The following C1orf74 variants were observed in gnomAD, a reference collection of about 807,000 sequenced individuals.
The protein encoded by C1orf74 is UPF0739 protein C1orf74.
C1orf74 carries 5 observed loss-of-function variants against 7.3 expected under a neutral mutation model. The ratio of observed to expected loss-of-function variants is 0.68; its 90% CI spans 0.36 to 1.44. The LOEUF (loss-of-function observed/expected upper bound fraction) is 1.44, where lower values mean the gene tolerates loss of function less well. Among genes scored for constraint, C1orf74 ranks in the 40% most tolerant of loss-of-function variants. The pLI is 0.04. For missense variants in C1orf74, 291 were observed against 314.3 expected (o/e 0.93, Z 0.56); for synonymous variants, 121 against 132.5 (o/e 0.91, Z 0.59).
Position 209,780,446 on chromosome 1 carries a change from C to A in C1orf74, c.*2379G>T. On this transcript the variant is annotated 3_prime_UTR_variant, in exon 2 of 2. Coordinates refer to ENST00000294811, the MANE Select transcript of C1orf74 (RefSeq NM_152485.4). ...CTCAGAGGTGTGGGCCTCACTGTCA[C>A]CAAGAATCTGGCTGCTTTTTTAGAT... 6.5e-7 allele frequency: 1 copy of A among 1,535,792 alleles called. No homozygotes were observed. Among genetic ancestry groups the A allele is most frequent in the African/African-American group, 1.4e-5 (1 of 71,952 alleles).
In C1orf74 at chr1:209,782,147, G is replaced by A. The variant is rs569357008; in HGVS notation, c.*678C>T. The stretch of plus-strand genomic sequence containing the variant: ...GCCAATAAAGACAACCTGATGATCT[G>A]AATAATTTGTGACAACTGCCTTGGG... On this transcript the variant is annotated 3_prime_UTR_variant, in exon 2 of 2. Coordinates refer to ENST00000294811, the MANE Select transcript of C1orf74 (RefSeq NM_152485.4). 99 of 1,613,060 alleles carry A rather than the reference G, an allele frequency of 6.1e-5. 2 individuals carry two copies. In the South Asian group the frequency reaches 1.0e-3, roughly 17 times the overall value.
In C1orf74 at chr1:209,782,699, G is replaced by C. The variant is rs1357148773; in HGVS notation, c.*126C>G. ...ATGCCCTTTGCATTTGTGGCCAACT[G>C]ATCTACAGCATTGTGCCTTAGTGTA... On this transcript the variant is annotated 3_prime_UTR_variant, in exon 2 of 2. Transcript: ENST00000294811. 14 of 1,007,568 alleles carry C rather than the reference G, an allele frequency of 1.4e-5. No individual in the cohort carries two copies. The highest frequency in any genetic ancestry group is 3.3e-4 in the Middle Eastern group (1 of 3,060). 62.4% of individuals were successfully genotyped at this position (1,007,568 alleles called of 1,614,324 possible).
In C1orf74 at chr1:209,781,744, A is replaced by G. The variant is rs546202569; in HGVS notation, c.*1081T>C. The G allele has an allele frequency of 9.0e-5, 44 of 488,282 alleles. No homozygotes were observed. Among genetic ancestry groups the G allele is most frequent in the African/African-American group, 7.1e-4 (37 of 51,938 alleles). 30.2% of individuals were successfully genotyped at this position (488,282 alleles called of 1,614,324 possible). ...CGATGATAAGCATGGTGGCAAGAAC[A>G]GAAGGACACAAAAGTACTGGGGAAT... is the stretch of plus-strand genomic sequence containing the variant. On this transcript the variant is annotated 3_prime_UTR_variant, in exon 2 of 2. Transcript: ENST00000294811.
At position 209,780,227 on chromosome 1, in the gene C1orf74, G is replaced by C. The variant is rs933102432; in HGVS notation, c.*2598C>G. On this transcript the variant is annotated 3_prime_UTR_variant, in exon 2 of 2. Transcript: ENST00000294811. The stretch of plus-strand genomic sequence containing the variant: ...ACTAAAACTATCTAGCACTAGATAA[G>C]ACTGGGGATACAAAGAAAAGATCCC... 1.6e-5 allele frequency: 5 copies of C among 306,026 alleles called. No homozygotes were observed. The highest frequency in any genetic ancestry group is 1.1e-4 in the African/African-American group (5 of 46,466). The allele number at this position is 306,026 out of a possible 1,614,324, so 19.0% of individuals were successfully genotyped here.
chr1:209,781,596 G>A lies in C1orf74; in HGVS notation c.*1229C>T, dbSNP rs2077781817. The A allele has an allele frequency of 8.7e-6, 5 of 572,516 alleles. No individual in the cohort carries two copies. The African/African-American group carries it at 9.4e-5, about 11-fold the overall frequency. 35.5% of individuals were successfully genotyped at this position (572,516 alleles called of 1,614,324 possible). A position where few individuals can be genotyped will look rare whatever the true frequency, so the allele number is the denominator to read the frequency against. ...CACTGTGCTTGGTTTATACTATACT[G>A]ACATTATGGCAACCATTGAAAAAAA... On this transcript the variant is annotated 3_prime_UTR_variant, in exon 2 of 2. Coordinates refer to ENST00000294811, the MANE Select transcript of C1orf74 (RefSeq NM_152485.4).
rs2077731290 is a variant in C1orf74, at chr1:209,779,470, C to T, written c.*3355G>A. 1.9e-6 allele frequency: 2 copies of T among 1,063,308 alleles called. No individual in the cohort carries two copies. The highest frequency in any genetic ancestry group is 2.9e-6 in the Non-Finnish European group (2 of 687,000). 65.9% of individuals were successfully genotyped at this position (1,063,308 alleles called of 1,614,324 possible). ...ACTACATGACCTCCTGGAGTCCCAG[C>T]CAGTTCTGGGAGTCTGTTAAGTCCG... On this transcript the variant is annotated 3_prime_UTR_variant, in exon 2 of 2. Transcript: ENST00000294811.
chr1:209,782,989 T>C lies in C1orf74; in HGVS notation c.646A>G (p.Ile216Val), dbSNP rs773879156. 1.3e-4 allele frequency: 216 copies of C among 1,613,986 alleles called. No individual in the cohort carries two copies. Among genetic ancestry groups the C allele is most frequent in the Non-Finnish European group, 1.7e-4 (200 of 1,180,014 alleles). Reference sequence around the variant, plus strand: ...GGGACACTAAAAGAATAGAGCAGGATTGGGGGTTGACCTAGCAACCATGAG... The same window carrying C: ...GGGACACTAAAAGAATAGAGCAGGACTGGGGGTTGACCTAGCAACCATGAG... ...RISWLLGQPP[I>V]LLYSFSVPES... is the part of the protein sequence containing the mutation. Residue 216 changes from isoleucine to valine, a missense_variant, in exon 2 of 2, where the codon ATC becomes GTC. By Grantham distance (29) the Ile-to-Val change is conservative (BLOSUM62 3). Coordinates refer to ENST00000294811, the MANE Select transcript of C1orf74 (RefSeq NM_152485.4).
Position 209,780,382 on chromosome 1 carries a change from C to G in C1orf74, c.*2443G>C, listed in dbSNP as rs913976856. On this transcript the variant is annotated 3_prime_UTR_variant, in exon 2 of 2. Coordinates refer to ENST00000294811, the MANE Select transcript of C1orf74 (RefSeq NM_152485.4). ...AGCACGCCCTCCCAAGTTCCCTCCC[C>G]TCTCCCCACTCCTAGTGGTTTCACC... is the stretch of plus-strand genomic sequence containing the variant. 4.6e-5 allele frequency: 59 copies of G among 1,296,058 alleles called. No individual in the cohort carries two copies. The highest frequency in any genetic ancestry group is 5.9e-5 in the Non-Finnish European group (58 of 991,424). The allele number at this position is 1,296,058 out of a possible 1,614,324, so 80.3% of individuals were successfully genotyped here.
Position 209,783,738 on chromosome 1 carries a change from T to C in C1orf74, c.-75-29A>G, listed in dbSNP as rs952220522. ...GAAACAAAGCAGGAGCAGGGAATTA[T>C]TAACAGCCTTCCTGTTAAATCGCGG... On this transcript the variant is annotated intron_variant, in intron 1 of 1. Transcript: ENST00000294811. 3 of 937,588 alleles carry C rather than the reference T, an allele frequency of 3.2e-6. No homozygotes were observed. In the African/African-American group the frequency reaches 5.0e-5, roughly 16 times the overall value. The allele number at this position is 937,588 out of a possible 1,614,324, so 58.1% of individuals were successfully genotyped here.
rs374009294 is a variant in C1orf74, at chr1:209,780,648, T to C, written c.*2177A>G. 436 of 1,468,706 alleles carry C rather than the reference T, an allele frequency of 3.0e-4. No homozygotes were observed. The African/African-American group carries it at 5.4e-3, about 18-fold the overall frequency. The allele number at this position is 1,468,706 out of a possible 1,614,324, so 91.0% of individuals were successfully genotyped here. On this transcript the variant is annotated 3_prime_UTR_variant, in exon 2 of 2. Coordinates refer to ENST00000294811, the MANE Select transcript of C1orf74 (RefSeq NM_152485.4). ...AGATAGTGAGGGCTCATTTGCGAAA[T>C]AGCAGAGAAACCTGGGAGGCAGTCA...
In C1orf74 at chr1:209,779,265, T is replaced by G; in HGVS notation, c.*3560A>C. 3 of 1,545,992 alleles carry G rather than the reference T, an allele frequency of 1.9e-6. No individual in the cohort carries two copies. The highest frequency in any genetic ancestry group is 2.7e-6 in the Non-Finnish European group (3 of 1,123,538). On this transcript the variant is annotated 3_prime_UTR_variant, in exon 2 of 2. Coordinates refer to ENST00000294811, the MANE Select transcript of C1orf74 (RefSeq NM_152485.4). ...TAAGCAAAGTTCTGAAAAGAAAACT[T>G]TTTGTAGTAAATATGCTAGCATAGA...
At position 209,783,645 on chromosome 1, in the gene C1orf74, C is replaced by A. The variant is rs1213955724; in HGVS notation, c.-11G>T. The A allele has an allele frequency of 8.3e-6, 13 of 1,557,970 alleles. No homozygotes were observed. The highest frequency in any genetic ancestry group is 1.1e-5 in the Non-Finnish European group (13 of 1,152,362). On this transcript the variant is annotated 5_prime_UTR_variant, in exon 2 of 2. The change creates a new upstream start codon in the 5' untranslated region. Coordinates refer to ENST00000294811, the MANE Select transcript of C1orf74 (RefSeq NM_152485.4). The stretch of plus-strand genomic sequence containing the variant: ...ATCTAGAAGCAACATCAAGAATGGC[C>A]TCCTTAGCTAGCCCGAGTTCCCTTC...
rs1400828897 is a variant in C1orf74, at chr1:209,781,400, T to C, written c.*1425A>G. 8 of 1,613,650 alleles carry C rather than the reference T, an allele frequency of 5.0e-6. 1 individual carries two copies. Among genetic ancestry groups the C allele is most frequent in the South Asian group, 3.3e-5 (3 of 91,072 alleles). On this transcript the variant is annotated 3_prime_UTR_variant, in exon 2 of 2. Coordinates refer to ENST00000294811, the MANE Select transcript of C1orf74 (RefSeq NM_152485.4). ...CTCAGTGACGAGTATCTCTCCTGCC[T>C]GCGTAAGCTGCAGCACTGTCGAGAA...
chr1:209,783,611 T>A lies in C1orf74; in HGVS notation c.24A>T (p.Ser8=). 1 of 1,601,654 alleles carries A rather than the reference T, an allele frequency of 6.2e-7. No individual in the cohort carries two copies. The highest frequency in any genetic ancestry group is 8.5e-7 in the Non-Finnish European group (1 of 1,174,494). Residue 8 remains serine (S), a synonymous_variant, in exon 2 of 2, where the codon TCA becomes TCT. Coordinates refer to ENST00000294811, the MANE Select transcript of C1orf74 (RefSeq NM_152485.4). Reference sequence around the variant, plus strand: ...CCACCAGCAGCTGAGGGCTCGGTGATGACATGAGATCTAGAAGCAACATCA... The same window carrying A: ...CCACCAGCAGCTGAGGGCTCGGTGAAGACATGAGATCTAGAAGCAACATCA... The part of the protein sequence containing the change: MLLLDLM[S]SPSPQLLVAA...
Position 209,783,431 on chromosome 1 carries a change from G to A in C1orf74, c.204C>T (p.Ser68=), listed in dbSNP as rs914425800. The A allele has an allele frequency of 2.5e-6, 4 of 1,614,112 alleles. No individual in the cohort carries two copies. Among genetic ancestry groups the A allele is most frequent in the Non-Finnish European group, 3.4e-6 (4 of 1,179,996 alleles). ...CAAGCCCCTTCAGCTCCTCCAGATAGCTCTGGAGCTCTGATGCCCCTGCAC... is the reference window on the plus strand; with the variant it reads ...CAAGCCCCTTCAGCTCCTCCAGATAACTCTGGAGCTCTGATGCCCCTGCAC... ...CNCAGASELQ[S]YLEELKGLGF... Residue 68 remains serine, a synonymous_variant, in exon 2 of 2, where the codon AGC becomes AGT. Coordinates refer to ENST00000294811, the MANE Select transcript of C1orf74 (RefSeq NM_152485.4).
rs1261369204 is a variant in C1orf74 at position 209,781,884 on chromosome 1, A to C, written c.*941T>G. 1.2e-5 allele frequency: 7 copies of C among 597,098 alleles called. No homozygotes were observed. Among genetic ancestry groups the C allele is most frequent in the South Asian group, 4.0e-5 (2 of 50,122 alleles). 37.0% of individuals were successfully genotyped at this position (597,098 alleles called of 1,614,324 possible). On this transcript the variant is annotated 3_prime_UTR_variant, in exon 2 of 2. Coordinates refer to ENST00000294811, the MANE Select transcript of C1orf74 (RefSeq NM_152485.4). Reference sequence around the variant, plus strand: ...TCCCTGGGCCAGAGAACATTGGTTAAGTGGTTTTATCCCAAGACAGGTGAC... The same window carrying C: ...TCCCTGGGCCAGAGAACATTGGTTACGTGGTTTTATCCCAAGACAGGTGAC...
rs1571967202 is a variant in C1orf74 at position 209,779,767 on chromosome 1, G to A, written c.*3058C>T. On this transcript the variant is annotated 3_prime_UTR_variant, in exon 2 of 2. Transcript: ENST00000294811. ...CACTGTTAGCCCTAGAGAGTCTACT[G>A]TCCATGTTTCCTGAGAATTCACTGT... is the stretch of plus-strand genomic sequence containing the variant. 3 of 503,364 alleles carry A rather than the reference G, an allele frequency of 6.0e-6. No homozygotes were observed. The highest frequency in any genetic ancestry group is 7.0e-5 in the East Asian group (2 of 28,732). 31.2% of individuals were successfully genotyped at this position (503,364 alleles called of 1,614,324 possible).
In C1orf74 at chr1:209,781,943, A is replaced by G; in HGVS notation, c.*882T>C. Reference sequence around the variant, plus strand: ...AGACAGAGTAAAAAGCTTTTTCTCCACCACCAACCCAGCGTTTTCCACTGG... The same window carrying G: ...AGACAGAGTAAAAAGCTTTTTCTCCGCCACCAACCCAGCGTTTTCCACTGG... On this transcript the variant is annotated 3_prime_UTR_variant, in exon 2 of 2. Coordinates refer to ENST00000294811, the MANE Select transcript of C1orf74 (RefSeq NM_152485.4). The G allele has an allele frequency of 3.6e-6, 3 of 822,482 alleles. No individual in the cohort carries two copies. Among genetic ancestry groups the G allele is most frequent in the Admixed American group, 2.3e-5 (1 of 42,670 alleles). 50.9% of individuals were successfully genotyped at this position (822,482 alleles called of 1,614,324 possible).
Position 209,779,760 on chromosome 1 carries a change from G to A in C1orf74, c.*3065C>T. 1.9e-6 allele frequency: 1 copy of A among 517,078 alleles called. No individual in the cohort carries two copies. Among genetic ancestry groups the A allele is most frequent in the Non-Finnish European group, 3.4e-6 (1 of 290,890 alleles). The allele number at this position is 517,078 out of a possible 1,614,324, so 32.0% of individuals were successfully genotyped here. A position where few individuals can be genotyped will look rare whatever the true frequency, so the allele number is the denominator to read the frequency against. On this transcript the variant is annotated 3_prime_UTR_variant, in exon 2 of 2. Transcript: ENST00000294811. ...GTCAACTCACTGTTAGCCCTAGAGA[G>A]TCTACTGTCCATGTTTCCTGAGAAT...
Sources: allele counts gnomAD v4.1 joint callset, GRCh38; gene constraint gnomAD v4.1.1; transcripts MANE v1.5; gene names NCBI Gene and HGNC (gene_info 2026-07-23, HGNC 2026-07-21).